The following MYT1L variants were observed in gnomAD, a reference collection of about 807,000 sequenced individuals.
MYT1L encodes myelin transcription factor 1 like.
MYT1L carries 12 observed loss-of-function variants against 126.7 expected under a neutral mutation model. The ratio of observed to expected loss-of-function variants is 0.09; its 90% CI spans 0.06 to 0.15. The LOEUF is 0.15. Among genes scored for constraint, MYT1L ranks in the 10% least tolerant of loss-of-function variants. The pLI is 1.00. For missense variants in MYT1L, 979 were observed against 1,585.2 expected (o/e 0.62, Z 6.49); for synonymous variants, 541 against 604.2 (o/e 0.90, Z 1.53).
chr2:2,033,965 C>T (rs2066712477), intron 4 of MYT1L, among the ~76,000 whole-genome samples: 1 of 152,116 alleles, frequency 6.6e-6, no homozygotes, highest in Non-Finnish European at 1.5e-5. Flanking sequence ...CAGCTCAATT[C>T]CGACAAATAA....
chr2:2,006,575 T>A (rs923988535), intron 4 of MYT1L, among the ~76,000 whole-genome samples: 4 of 152,106 alleles, frequency 2.6e-5, no homozygotes, highest in African/African-American at 9.7e-5. Context: ...GAGCTTTTAT[T>A]TTTAATTTTT....
intron 8 of MYT1L, among the ~76,000 whole-genome samples, chr2:1,963,076 A>T (rs901249332): frequency 2.6e-5 from 4 of 152,196 alleles, no homozygotes; most frequent in African/African-American, 9.7e-5. Flanking sequence ...ATGTTTCTTA[A>T]ATAATAAGGC....
At chr2:1,886,479 T>C in intron 18 of MYT1L, 60 bp downstream of exon 18, 1 of 1,279,926 alleles carries the variant, frequency 7.8e-7, no homozygotes, top group South Asian at 1.6e-5. Context: ...ATATCATTTT[T>C]TTTTGTGAAC....
At chr2:2,065,821 TATACACAC>T (rs1343859257) in intron 3 of MYT1L, among the ~76,000 whole-genome samples, 113 of 119,718 alleles carry the variant, frequency 9.4e-4, no homozygotes, top group African/African-American at 3.8e-3. Flanking sequence ...CTCTCTCTTT[TATACACAC>T]ACACACACAC....
chr2:1,794,045 A>C (rs1334834648), intron 23 of MYT1L, among the ~76,000 whole-genome samples: 1 of 152,206 alleles, frequency 6.6e-6, no homozygotes, highest in Non-Finnish European at 1.5e-5. Context: ...CTATGACGGA[A>C]TCTAATCTAG....
chr2:2,109,926 C>G (rs985338233), intron 3 of MYT1L, among the ~76,000 whole-genome samples: 1 of 63,738 alleles, frequency 1.6e-5, no homozygotes, highest in African/African-American at 6.2e-5. Context: ...TATATATATC[C>G]CTTTCAGAAT....
At chr2:2,217,723 A>T in intron 2 of MYT1L, among the ~76,000 whole-genome samples, 1 of 145,644 alleles carries the variant, frequency 6.9e-6, no homozygotes, top group African/African-American at 2.6e-5. Context: ...AAAAAAAGAA[A>T]GAAGGAAAAA....
rs1438254148 is a variant in MYT1L, at chr2:1,822,748, GCT to G, written c.3081-13583_3081-13582del. 2.1e-4 allele frequency among the ~76,000 whole-genome samples: 32 copies of G among 149,456 alleles called. 1 individual carries two copies. The highest frequency in any genetic ancestry group is 5.9e-4 in the African/African-American group (23 of 39,038). On this transcript the variant is annotated intron_variant, in intron 21 of 24. Transcript: ENST00000647738. ...GGCAGTCAGAAGCCACCGCCTCATG[GCT>G]GCTGCTGTGTCCACGGTGAAACCCT... is the stretch of plus-strand genomic sequence containing the variant.
chr2:1,816,789 C>G (rs1016964396), intron 21 of MYT1L: 1 of 152,742 alleles, frequency 6.5e-6, no homozygotes, highest in African/African-American at 2.4e-5. Flanking sequence ...GGCCCTGTCC[C>G]GTTCCTATGC....
At chr2:2,171,603 G>GT (rs1271997025) in intron 3 of MYT1L, among the ~76,000 whole-genome samples, 1 of 151,752 alleles carries the variant, frequency 6.6e-6, no homozygotes, top group Non-Finnish European at 1.5e-5. Context: ...AGCTTCTTTT[G>GT]TTTTTTTCTT....
At position 1,923,245 on chromosome 2, in the gene MYT1L, C is replaced by T. The variant is rs752299647; in HGVS notation, c.524G>A (p.Cys175Tyr). ...EEENEDHQMNCHNTRIMQDTE... is the reference protein window; with the variant it reads ...EEENEDHQMNYHNTRIMQDTE... ...GTCTTGCATTATTCGAGTATTGTGA[C>T]AATTCATTTGATGGTCTTCTGCAAA... The change falls in exon 10 of 25, where the codon TGT becomes TAT. Residue 175 changes from cysteine (C) to tyrosine (Y), a missense_variant. This residue lies in a region of MYT1L where 243 missense variants were observed against 363.9 expected (regional missense o/e 0.67). Transcript: ENST00000647738. 6.3e-6 allele frequency: 10 copies of T among 1,592,168 alleles called. No individual in the cohort carries two copies. The highest frequency in any genetic ancestry group is 8.6e-6 in the Non-Finnish European group (10 of 1,166,660).
intron 2 of MYT1L, among the ~76,000 whole-genome samples, chr2:2,243,073 C>G (rs1188747041): frequency 1.3e-5 from 2 of 152,070 alleles, no homozygotes; most frequent in East Asian, 1.9e-4. Context: ...TCAATGGGAG[C>G]AGGGGAGAAT....
chr2:2,152,308 T>C (rs932474854), intron 3 of MYT1L, among the ~76,000 whole-genome samples: 2 of 152,214 alleles, frequency 1.3e-5, no homozygotes, highest in Non-Finnish European at 2.9e-5. Flanking sequence ...CGAGAAGGTG[T>C]GAGACTTTAT....
chr2:2,207,664 C>G (rs1559339324), intron 2 of MYT1L, among the ~76,000 whole-genome samples: 1 of 152,306 alleles, frequency 6.6e-6, no homozygotes, highest in South Asian at 2.1e-4. Context: ...AGAGGCCCTA[C>G]AGTGAGACAA....
In MYT1L at chr2:1,917,349, A is replaced by G. The variant is rs771977961; in HGVS notation, c.1484-10T>C. 3 of 1,599,600 alleles carry G rather than the reference A, an allele frequency of 1.9e-6. No homozygotes were observed. The South Asian group carries it at 3.3e-5, about 18-fold the overall frequency. ...TCTGTTCTTGAGGGATCTAAAAGCG[A>G]CAACAGGTGCCAAGAGAATAAATGT... On this transcript the variant is annotated splice_polypyrimidine_tract_variant and intron_variant, in intron 10 of 24. Coordinates refer to ENST00000647738, the MANE Select transcript of MYT1L (RefSeq NM_001303052.2). The surrounding 1 kb of genome is among the most constrained non-coding windows in gnomAD (Gnocchi z 5.9).
chr2:2,005,500 A>ATTCTGTCCTGCATGTG (rs2063181720), intron 4 of MYT1L, among the ~76,000 whole-genome samples: 1 of 133,666 alleles, frequency 7.5e-6, no homozygotes, highest in Non-Finnish European at 1.6e-5. Context: ...TCCTGCAGGC[A>ATTCTGTCCTGCATGTG]TTCTTTCCTG....
intron 9 of MYT1L, among the ~76,000 whole-genome samples, chr2:1,932,625 C>T (rs1398956650): frequency 1.3e-5 from 2 of 152,242 alleles, no homozygotes; most frequent in East Asian, 3.9e-4. Context: ...AAAAATGAAG[C>T]AAAATCAAAA....
At chr2:2,217,714 A>G (rs895096117) in intron 2 of MYT1L, among the ~76,000 whole-genome samples, 1 of 145,880 alleles carries the variant, frequency 6.9e-6, no homozygotes, top group East Asian at 2.0e-4. Context: ...AACAAAAAAA[A>G]AAAAAGAAAG....
At chr2:2,287,869 C>T (rs2095545614) in intron 1 of MYT1L, among the ~76,000 whole-genome samples, 1 of 152,222 alleles carries the variant, frequency 6.6e-6, no homozygotes, top group Non-Finnish European at 1.5e-5. Flanking sequence ...GCCCGACCAA[C>T]TCTACAGCTC....
Sources: gnomAD v4.1 joint callset for allele counts (sites outside exome capture counted in the v4.1 genomes callset) on GRCh38, gnomAD v4.1.1 for gene constraint, gnomAD v4.1.1 regional missense constraint, Gnocchi (gnomAD v3.1) non-coding constraint, MANE v1.5 for transcripts, NCBI Gene and HGNC (gene_info 2026-07-23, HGNC 2026-07-21) for gene names.